Variants in PCNX3 observed in about 807,000 individuals in gnomAD.
PCNX3 encodes pecanex-like protein 3.
In PCNX3, 58 loss-of-function variants were observed where a neutral mutation model predicts 207.2. That is an observed-to-expected ratio of 0.28 (90% CI 0.23 to 0.35). The LOEUF (loss-of-function observed/expected upper bound fraction) is 0.35. Among genes scored for constraint, PCNX3 ranks in the 10% least tolerant of loss-of-function variants. The pLI is 1.00. For synonymous variants in PCNX3, 1,337 were observed against 1,183.5 expected, an observed-to-expected ratio of 1.13 and a Z score of -2.66; for missense variants, 2,410 against 2,774.4, an observed-to-expected ratio of 0.87 and a Z score of 2.95.
chr11:65,619,481 C>T (rs770510566), intron 6 of PCNX3, 56 bp from the exon 7 acceptor site: 43 of 1,591,964 alleles, frequency 2.7e-5, no homozygotes, highest in Non-Finnish European at 3.4e-5. Context: ...CAACCTTACT[C>T]CCCCAGCCTT....
chr11:65,629,834 G>C (rs1590897182), intron 26 of PCNX3, 99 bp downstream of exon 26: 5 of 1,347,096 alleles, frequency 3.7e-6, no homozygotes, highest in Non-Finnish European at 4.1e-6. Flanking sequence ...GTCCAGCTCT[G>C]TCCAGGCTGG....
At chr11:65,616,614 T>A in intron 1 of PCNX3, 150 bp downstream of exon 1, 1 of 1,112,998 alleles carries the variant, frequency 9.0e-7, no homozygotes, top group Non-Finnish European at 1.3e-6. Flanking sequence ...AAGTCTTCCT[T>A]TCTTGGATCG....
At position 65,617,528 on chromosome 11, in the gene PCNX3, G is replaced by T. The variant is rs954830081; in HGVS notation, c.481+19G>T. 1 of 1,613,866 alleles carries T rather than the reference G, an allele frequency of 6.2e-7. No homozygotes were observed. The highest frequency in any genetic ancestry group is 8.5e-7 in the Non-Finnish European group (1 of 1,179,896). ...CTTAGAGGTAGGTGGCTGCTCTTCA[G>T]GGTTGGAGCATAGTGCTGTGGAACA... On this transcript the variant is annotated intron_variant, in intron 4 of 34. Transcript: ENST00000355703.
chr11:65,625,216 T>C lies in PCNX3; in HGVS notation c.2965T>C (p.Cys989Arg), dbSNP rs1855320853. The change falls in exon 17 of 35, where the codon TGT becomes CGT. Residue 989 changes from cysteine (C) to arginine (R), a missense_variant. Cys to Arg is a radical substitution (Grantham distance 180). Around this residue, in one of 8 missense-constraint regions of PCNX3, gnomAD observed 333 missense variants for 386.8 expected, o/e 0.86. Transcript: ENST00000355703. This position sits in a 1 kb window ranked among gnomAD's most constrained non-coding sequence, Gnocchi z 5.6. ...CGTCCCTGTCCTCTTCTCAGTCTTC[T>C]GTGGCCTCCTGGTGGCACTGTCCTA... ...QHVPVLFSVF[C>R]GLLVALSYHL... 6.2e-7 allele frequency: 1 copy of C among 1,611,146 alleles called. No individual in the cohort carries two copies. The highest frequency in any genetic ancestry group is 8.5e-7 in the Non-Finnish European group (1 of 1,179,634).
chr11:65,629,435 AG>A lies in PCNX3; in HGVS notation c.4000+24del. 1 of 1,611,528 alleles carries A rather than the reference AG, an allele frequency of 6.2e-7. No homozygotes were observed. The highest frequency in any genetic ancestry group is 8.5e-7 in the Non-Finnish European group (1 of 1,178,782). ...ACCCTGGTGTGTACCCAGCCATCCA[AG>A]GGGCTTTAGGGCAGGGCCTCCCTGG... On this transcript the variant is annotated intron_variant, in intron 25 of 34. Coordinates refer to ENST00000355703, the MANE Select transcript of PCNX3 (RefSeq NM_032223.4).
chr11:65,620,492 C>G (rs1417363182), intron 9 of PCNX3, 63 bp downstream of exon 9: 26 of 1,555,830 alleles, frequency 1.7e-5, no homozygotes, highest in Non-Finnish European at 2.1e-5. Flanking sequence ...TGGGAAGTTC[C>G]CTGAGCCTGG....
Position 65,625,294 on chromosome 11 carries a change from G to T in PCNX3, c.3029+14G>T. 6.2e-7 allele frequency: 1 copy of T among 1,601,342 alleles called. No homozygotes were observed. The highest frequency in any genetic ancestry group is 2.2e-5 in the East Asian group (1 of 44,764). Reference sequence around the variant, plus strand: ...CACCGTGCTCTGGTGGGTGTGCTCCGGGTCGTGTGTTTGTGTCTGCCCAGT... The same window carrying T: ...CACCGTGCTCTGGTGGGTGTGCTCCTGGTCGTGTGTTTGTGTCTGCCCAGT... On this transcript the variant is annotated intron_variant, in intron 17 of 34. Transcript: ENST00000355703. This position sits in a 1 kb window ranked among gnomAD's most constrained non-coding sequence, Gnocchi z 5.6.
chr11:65,637,202 T>C lies in PCNX3; in HGVS notation c.*224T>C, dbSNP rs2135494627. 1 of 576,270 alleles carries C rather than the reference T, an allele frequency of 1.7e-6. No homozygotes were observed. The allele number at this position is 576,270 out of a possible 1,614,324, so 35.7% of individuals were successfully genotyped here. Reference sequence around the variant, plus strand: ...GCCTGGGCTCCCCAGATGGAGGCAGTCAGCCTCCCAGCCAGGCCCTAAGAG... The same window carrying C: ...GCCTGGGCTCCCCAGATGGAGGCAGCCAGCCTCCCAGCCAGGCCCTAAGAG... On this transcript the variant is annotated 3_prime_UTR_variant, in exon 35 of 35. Transcript: ENST00000355703.
rs1855574463 is a variant in PCNX3, at chr11:65,630,487, T to G, written c.4353T>G (p.Ala1451=). 6.2e-7 allele frequency: 1 copy of G among 1,613,538 alleles called. No homozygotes were observed. The highest frequency in any genetic ancestry group is 8.5e-7 in the Non-Finnish European group (1 of 1,179,870). The part of the protein sequence containing the change: ...FNAAFGQRWL[A]WEVTASKYVL... ...CTGCCTTTGGGCAGCGCTGGCTGGC[T>G]TGGGAGGTAACAGCCAGCAAGTACG... Residue 1451 remains alanine (A), a synonymous_variant, in exon 27 of 35, where the codon GCT becomes GCG. Coordinates refer to ENST00000355703, the MANE Select transcript of PCNX3 (RefSeq NM_032223.4).
rs749421599 is a variant in PCNX3, at chr11:65,636,930, G to A, written c.6057G>A (p.Glu2019=). The A allele has an allele frequency of 1.3e-4, 201 of 1,564,084 alleles. 1 individual carries two copies. In the Middle Eastern group the frequency reaches 2.2e-3, roughly 17 times the overall value. Residue 2019 remains glutamate, a synonymous_variant, in exon 35 of 35, where the codon GAG becomes GAA. Coordinates refer to ENST00000355703, the MANE Select transcript of PCNX3 (RefSeq NM_032223.4). ...TGGGCGACTGGCCTGCCCCTATTGA[G>A]GAGCGTGAGAGCCCGGCAGCCCAGC... is the stretch of plus-strand genomic sequence containing the variant. ...GALGDWPAPI[E]ERESPAAQPL... is the part of the protein sequence containing the mutation.
In PCNX3 at chr11:65,634,424, C is replaced by T. The variant is rs1565172114; in HGVS notation, c.4701+68C>T. 2.6e-6 allele frequency: 4 copies of T among 1,510,944 alleles called. No individual in the cohort carries two copies. The East Asian group carries it at 7.3e-5, about 28-fold the overall frequency. 93.6% of individuals were successfully genotyped at this position (1,510,944 alleles called of 1,614,324 possible). ...CCTGGGCTTCCCTGCTCCCCTTCTC[C>T]CCATTTGGTTTCCTCTCACTCTGAG... On this transcript the variant is annotated intron_variant, in intron 28 of 34. Coordinates refer to ENST00000355703, the MANE Select transcript of PCNX3 (RefSeq NM_032223.4).
At chr11:65,622,111 T>G in intron 10 of PCNX3, 134 bp from the exon 11 acceptor site, 1 of 1,407,228 alleles carries the variant, frequency 7.1e-7, no homozygotes, top group Non-Finnish European at 9.3e-7. Flanking sequence ...TATGTGCTGA[T>G]GGAAATGGTC....
rs954650884 is a variant in PCNX3 at position 65,620,046 on chromosome 11, C to T, written c.2008+114C>T. 5.2e-6 allele frequency: 6 copies of T among 1,153,684 alleles called. No individual in the cohort carries two copies. The African/African-American group carries it at 6.2e-5, about 12-fold the overall frequency. The allele number at this position is 1,153,684 out of a possible 1,614,324, so 71.5% of individuals were successfully genotyped here. Reference sequence around the variant, plus strand: ...TGTGGCAGGTACACTGCTAATGCTGCCAGACATCATCCTTGCAGCCTCTTT... The same window carrying T: ...TGTGGCAGGTACACTGCTAATGCTGTCAGACATCATCCTTGCAGCCTCTTT... On this transcript the variant is annotated intron_variant, in intron 8 of 34. Transcript: ENST00000355703.
At position 65,616,244 on chromosome 11, in the gene PCNX3, G is replaced by A. The variant is rs1590864052; in HGVS notation, c.-68G>A. ...CCCCGGGGCCCTCAGGCGCCAGACG[G>A]GGCATGGGCCGGGGGCCGCCCCCAT... is the stretch of plus-strand genomic sequence containing the variant. On this transcript the variant is annotated 5_prime_UTR_variant, in exon 1 of 35. Transcript: ENST00000355703. The A allele has an allele frequency of 1.5e-6, 2 of 1,328,852 alleles. No individual in the cohort carries two copies. Among genetic ancestry groups the A allele is most frequent in the East Asian group, 2.8e-5 (1 of 35,382 alleles). 82.3% of individuals were successfully genotyped at this position (1,328,852 alleles called of 1,614,324 possible).
chr11:65,628,976 C>G, intron 24 of PCNX3, 28 bp downstream of exon 24: 1 of 1,607,152 alleles, frequency 6.2e-7, no homozygotes, highest in Non-Finnish European at 8.5e-7. Flanking sequence ...CGGGAGCATG[C>G]CCAGCAGGGC....
chr11:65,633,942 C>G, intron 27 of PCNX3, 184 bp from the exon 28 acceptor site: 1 of 618,626 alleles, frequency 1.6e-6, no homozygotes, highest in African/African-American at 1.8e-5. Flanking sequence ...GTCACTCCTC[C>G]CTGGTCTAGG....
Position 65,626,065 on chromosome 11 carries a change from A to C in PCNX3, c.3379+11A>C. 6.3e-7 allele frequency: 1 copy of C among 1,590,878 alleles called. No individual in the cohort carries two copies. Among genetic ancestry groups the C allele is most frequent in the Non-Finnish European group, 8.5e-7 (1 of 1,170,154 alleles). ...AGTATGAAGTGCGCGGTGAGTGCCC[A>C]CCCCTGATGGCCAGGCCTGGGCAGT... On this transcript the variant is annotated intron_variant, in intron 20 of 34. Transcript: ENST00000355703.
In PCNX3 at chr11:65,618,679, G is replaced by A. The variant is rs1475006202; in HGVS notation, c.1317G>A (p.Gln439=). Residue 439 remains glutamine (Q), a synonymous_variant, in exon 6 of 35, where the codon CAG becomes CAA. Transcript: ENST00000355703. ...GCCCGGCCTCCAGTCTCCGATCGCA[G>A]CGCCGCTACAGTACTGACAGCTCCT... The part of the protein sequence containing the change: ...ELSPASSLRS[Q]RRYSTDSSSS... The A allele has an allele frequency of 1.2e-6, 2 of 1,613,388 alleles. No homozygotes were observed. The highest frequency in any genetic ancestry group is 4.5e-5 in the East Asian group (2 of 44,876).
chr11:65,633,987 C>T, intron 27 of PCNX3, 139 bp from the exon 28 acceptor site: 1 of 800,484 alleles, frequency 1.2e-6, no homozygotes. Flanking sequence ...CTCTTGAGAG[C>T]TGAGATGGCT....
Sources: gnomAD v4.1 joint callset for allele counts on GRCh38, gnomAD v4.1.1 for gene constraint, gnomAD v4.1.1 regional missense constraint, Gnocchi (gnomAD v3.1) non-coding constraint, MANE v1.5 for transcripts, NCBI Gene and HGNC (gene_info 2026-07-23, HGNC 2026-07-21) for gene names.